The following EYS variants were observed in gnomAD, a reference collection of about 807,000 sequenced individuals.
EYS encodes protein eyes shut homolog.
Under a neutral mutation model 282.1 loss-of-function variants are expected in EYS, and 250 were observed. The observed-to-expected ratio is 0.89, with a 90% CI of 0.80 to 0.98. The LOEUF is 0.98. Ranked by LOEUF, EYS falls within the 50% of genes least tolerant of loss-of-function variation. The pLI is 0.00. For missense variants in EYS, 4,016 were observed against 3,709.0 expected (o/e 1.08, Z -2.15); for synonymous variants, 1,355 against 1,282.9 (o/e 1.06, Z -1.20).
At chr6:65,577,721 A>T (rs951172192) in intron 2 of EYS, among the ~76,000 whole-genome samples, 52 of 148,342 alleles carry the variant, frequency 3.5e-4, no homozygotes, top group African/African-American at 1.3e-3. Flanking sequence ...ACTTAACTCA[A>T]TAATATTAAT....
intron 11 of EYS, among the ~76,000 whole-genome samples, chr6:65,328,566 T>G (rs1769687580): frequency 6.6e-6 from 1 of 151,102 alleles, no homozygotes; most frequent in East Asian, 1.9e-4. Flanking sequence ...GAAATTTTCT[T>G]TGAGAAATCA....
chr6:64,675,540 G>A (rs1246811992), intron 22 of EYS, among the ~76,000 whole-genome samples: 1 of 143,826 alleles, frequency 7.0e-6, no homozygotes, highest in African/African-American at 2.6e-5. Context: ...CAATTCTCCT[G>A]CCTCAGCCTC....
intron 12 of EYS, among the ~76,000 whole-genome samples, chr6:65,246,202 T>G (rs902743939): frequency 6.6e-6 from 1 of 152,128 alleles, no homozygotes; most frequent in African/African-American, 2.4e-5. Flanking sequence ...ATGAATAGAT[T>G]ATTGCACTGA....
chr6:65,143,706 T>G (rs1764406724), intron 12 of EYS, among the ~76,000 whole-genome samples: 1 of 152,066 alleles, frequency 6.6e-6, no homozygotes, highest in South Asian at 2.1e-4. Flanking sequence ...CCATTAGATA[T>G]ATTTCCTCTG....
chr6:65,131,044 TA>T (rs1397748819), intron 12 of EYS, among the ~76,000 whole-genome samples: 6 of 151,514 alleles, frequency 4.0e-5, no homozygotes, highest in Non-Finnish European at 7.4e-5. Flanking sequence ...ATAAACTTTA[TA>T]AAAAATATAT....
At chr6:65,031,818 G>A (rs1484456780) in intron 13 of EYS, among the ~76,000 whole-genome samples, 1 of 151,362 alleles carries the variant, frequency 6.6e-6, no homozygotes, top group African/African-American at 2.4e-5. Context: ...CACACTCAGA[G>A]GGACCAGAAA....
At chr6:65,129,228 C>G (rs1175236853) in intron 12 of EYS, among the ~76,000 whole-genome samples, 1 of 151,888 alleles carries the variant, frequency 6.6e-6, no homozygotes, top group Non-Finnish European at 1.5e-5. Flanking sequence ...TAGAAAGAAA[C>G]CTAGGAAATA....
intron 12 of EYS, among the ~76,000 whole-genome samples, chr6:65,158,627 C>G (rs1235430964): frequency 6.6e-6 from 1 of 150,636 alleles, no homozygotes; most frequent in Non-Finnish European, 1.5e-5. Flanking sequence ...TTCAAATATG[C>G]TTTATTTGGT....
intron 33 of EYS, among the ~76,000 whole-genome samples, chr6:64,026,338 T>C (rs1562159798): frequency 6.6e-6 from 1 of 152,150 alleles, no homozygotes; most frequent in Non-Finnish European, 1.5e-5. Flanking sequence ...ACCAAAACCA[T>C]GGGCGGTTTT....
chr6:64,853,937 A>C (rs1258010707), intron 19 of EYS, among the ~76,000 whole-genome samples: 1 of 152,032 alleles, frequency 6.6e-6, no homozygotes, highest in Non-Finnish European at 1.5e-5. Context: ...AAAGTGGGTG[A>C]AGGATATGAA....
intron 31 of EYS, among the ~76,000 whole-genome samples, chr6:64,151,563 T>C (rs1056008988): frequency 6.6e-6 from 1 of 151,448 alleles, no homozygotes; most frequent in Non-Finnish European, 1.5e-5. Context: ...GGTTTCACCA[T>C]GTTGGCGAGG....
chr6:64,936,705 T>C (rs564688288), intron 15 of EYS, among the ~76,000 whole-genome samples: 9 of 151,470 alleles, frequency 5.9e-5, no homozygotes, highest in African/African-American at 1.4e-4. Flanking sequence ...TTCTTAAGAA[T>C]AGATTCTAAG....
At chr6:64,323,781 G>A (rs575632668) in intron 29 of EYS, among the ~76,000 whole-genome samples, 1 of 152,208 alleles carries the variant, frequency 6.6e-6, no homozygotes, top group South Asian at 2.1e-4. Context: ...AATTGGAGTA[G>A]AAATATGTCC....
intron 12 of EYS, among the ~76,000 whole-genome samples, chr6:65,060,041 A>G (rs1436377134): frequency 6.6e-6 from 1 of 151,822 alleles, no homozygotes; most frequent in Non-Finnish European, 1.5e-5. Context: ...CCTGAATGTC[A>G]CACTGCCATG....
intron 22 of EYS, among the ~76,000 whole-genome samples, chr6:64,723,126 G>C (rs1771640483): frequency 6.6e-6 from 1 of 151,854 alleles, no homozygotes; most frequent in Non-Finnish European, 1.5e-5. Context: ...CACACAGTGA[G>C]CATGGGCAGA....
At chr6:64,425,271 T>C (rs950978918) in intron 28 of EYS, among the ~76,000 whole-genome samples, 1 of 152,050 alleles carries the variant, frequency 6.6e-6, no homozygotes, top group Non-Finnish European at 1.5e-5. Context: ...AGTGATTTGA[T>C]GTAATATGTT....
intron 2 of EYS, among the ~76,000 whole-genome samples, chr6:65,589,248 T>C (rs921057257): frequency 6.4e-4 from 97 of 152,182 alleles, no homozygotes; most frequent in African/African-American, 2.2e-3. Flanking sequence ...AACCAACCCT[T>C]TAAAGCACCA....
chr6:63,956,942 A>G (rs529685670), intron 35 of EYS, among the ~76,000 whole-genome samples: 30 of 152,292 alleles, frequency 2.0e-4, no homozygotes, highest in African/African-American at 7.0e-4. Context: ...AAATTTAACC[A>G]CTTTTCCACT....
chr6:64,807,052 T>C (rs996966442), intron 22 of EYS, among the ~76,000 whole-genome samples: 4 of 152,314 alleles, frequency 2.6e-5, no homozygotes, highest in Admixed American at 2.6e-4. Flanking sequence ...ATTAAAATGC[T>C]ATTAAAGTGT....
Sources: gnomAD v4.1 joint callset for allele counts (sites outside exome capture counted in the v4.1 genomes callset) on GRCh38, gnomAD v4.1.1 for gene constraint, MANE v1.5 for transcripts, NCBI Gene and HGNC (gene_info 2026-07-23, HGNC 2026-07-21) for gene names.